CRK: variants seen among roughly 807,000 people sequenced by gnomAD.
CRK encodes CRK proto-oncogene, adaptor protein.
In CRK, 4 loss-of-function variants were observed where a neutral mutation model predicts 29.8. The observed-to-expected ratio is 0.13, with a 90% CI of 0.07 to 0.31. The LOEUF (loss-of-function observed/expected upper bound fraction) is 0.31. Among genes scored for constraint, CRK ranks in the 10% least tolerant of loss-of-function variants. The probability of loss-of-function intolerance (pLI) is 1.00; values close to 1 mark genes in which losing one functional copy is unlikely to be tolerated. For synonymous variants in CRK, 153 were observed against 164.9 expected (o/e 0.93, Z 0.55); for missense variants, 274 against 396.5 (o/e 0.69, Z 2.62).
At chr17:1,426,330 G>A (rs1237023805) in intron 2 of CRK, 1 of 152,464 alleles carries the variant, frequency 6.6e-6, no homozygotes, top group Non-Finnish European at 1.5e-5. Context: ...AGGGGAGGAA[G>A]GGATGATGGC....
intron 1 of CRK, among the ~76,000 whole-genome samples, chr17:1,447,061 T>C (rs192620938): frequency 1.3e-5 from 2 of 152,300 alleles, no homozygotes; most frequent in East Asian, 1.9e-4. Context: ...TCAAGCTTCA[T>C]TGATCCAAAC....
intron 2 of CRK, among the ~76,000 whole-genome samples, chr17:1,430,655 A>G (rs62089614): frequency 0.48 from 71,345 of 150,194 alleles, 17,267 homozygotes; most frequent in Admixed American, 0.59. Context: ...GTGAGCCACC[A>G]CACCCAGCCT....
At chr17:1,438,161 G>A (rs147448641) in intron 1 of CRK, among the ~76,000 whole-genome samples, 2 of 151,722 alleles carry the variant, frequency 1.3e-5, no homozygotes, top group South Asian at 2.1e-4. Flanking sequence ...ACAGAGTCTC[G>A]CTGTGTCGCT....
intron 1 of CRK, among the ~76,000 whole-genome samples, chr17:1,441,857 TTTTG>T (rs936302014): frequency 2.1e-5 from 3 of 141,978 alleles, no homozygotes; most frequent in Admixed American, 6.8e-5. Flanking sequence ...CAGGCTGCGG[TTTTG>T]TTTTTGTTTT....
chr17:1,442,754 G>A (rs899828626), intron 1 of CRK, among the ~76,000 whole-genome samples: 1 of 151,460 alleles, frequency 6.6e-6, no homozygotes, highest in African/African-American at 2.4e-5. Context: ...ATACAGGTGT[G>A]TGCCACCATG....
At chr17:1,446,683 C>T (rs2073977532) in intron 1 of CRK, among the ~76,000 whole-genome samples, 1 of 150,166 alleles carries the variant, frequency 6.7e-6, no homozygotes, top group East Asian at 1.9e-4. Context: ...GCTCCGCTTC[C>T]TGGGTTCACG....
intron 1 of CRK, among the ~76,000 whole-genome samples, chr17:1,444,021 G>C (rs1291308709): frequency 1.3e-5 from 2 of 151,612 alleles, no homozygotes; most frequent in African/African-American, 4.8e-5. Flanking sequence ...TTTAATAACG[G>C]GGTTTTGCCA....
chr17:1,423,460 G>GAAAAA lies in CRK; in HGVS notation c.*48_*52dup. ...AAGAAAATTGTATAGATGGCAGTTG[G>GAAAAA]AAAAAAAAAAAAAAGATTGTTCCCA... is the stretch of plus-strand genomic sequence containing the variant. On this transcript the variant is annotated 3_prime_UTR_variant, in exon 3 of 3. Transcript: ENST00000300574. 2 of 1,282,912 alleles carry GAAAAA rather than the reference G, an allele frequency of 1.6e-6. No individual in the cohort carries two copies. Among genetic ancestry groups the GAAAAA allele is most frequent in the South Asian group, 1.4e-5 (1 of 70,200 alleles). 79.5% of individuals were successfully genotyped at this position (1,282,912 alleles called of 1,614,324 possible).
intron 1 of CRK, among the ~76,000 whole-genome samples, chr17:1,445,895 G>C (rs1424743387): frequency 3.3e-5 from 5 of 152,200 alleles, no homozygotes; most frequent in Non-Finnish European, 7.3e-5. Flanking sequence ...TTTTGGGACA[G>C]TGGTTGGCAG....
chr17:1,453,568 T>C (rs2074034617), intron 1 of CRK, among the ~76,000 whole-genome samples: 1 of 152,164 alleles, frequency 6.6e-6, no homozygotes, highest in Admixed American at 6.6e-5. Context: ...GAGAAAGATC[T>C]AGGATAATTT....
intron 2 of CRK, among the ~76,000 whole-genome samples, chr17:1,427,610 C>A (rs1225636900): frequency 6.6e-6 from 1 of 151,274 alleles, no homozygotes; most frequent in Non-Finnish European, 1.5e-5. Flanking sequence ...TAAATAAATA[C>A]CTCAATGTTA....
intron 2 of CRK, among the ~76,000 whole-genome samples, chr17:1,430,816 C>T (rs2073836630): frequency 6.6e-6 from 1 of 151,666 alleles, no homozygotes; most frequent in Admixed American, 6.6e-5. Context: ...GCCTGTAATC[C>T]CAGCACTTTG....
At chr17:1,453,680 G>C (rs2074035530) in intron 1 of CRK, among the ~76,000 whole-genome samples, 1 of 152,144 alleles carries the variant, frequency 6.6e-6, no homozygotes, top group Non-Finnish European at 1.5e-5. Flanking sequence ...TCTGAGGTGG[G>C]CAGATCACCT....
chr17:1,447,771 C>T (rs1345105516), intron 1 of CRK, among the ~76,000 whole-genome samples: 2 of 151,926 alleles, frequency 1.3e-5, no homozygotes, highest in African/African-American at 2.4e-5. Context: ...CGCCCACCAC[C>T]ACACCTGGCT....
At chr17:1,453,220 A>G (rs2150915562) in intron 1 of CRK, among the ~76,000 whole-genome samples, 1 of 152,344 alleles carries the variant, frequency 6.6e-6, no homozygotes, top group South Asian at 2.1e-4. Flanking sequence ...GGCAATCTTC[A>G]CCGTCTTTCC....
At position 1,442,982 on chromosome 17, in the gene CRK, TTC is replaced by T. The variant is rs147235416; in HGVS notation, c.242-5829_242-5828del. Among the ~76,000 whole-genome samples the T allele has an allele frequency of 8.6e-3, 896 of 103,884 alleles. 10 individuals carry two copies. The highest frequency in any genetic ancestry group is 0.025 in the African/African-American group (830 of 32,872). The allele number at this position is 103,884 out of a possible 152,430, so 68.2% of individuals were successfully genotyped here. On this transcript the variant is annotated intron_variant, in intron 1 of 2. Coordinates refer to ENST00000300574, the MANE Select transcript of CRK (RefSeq NM_016823.4). ...TCAGCTCACAGCAACCTCCCTTTCT[TTC>T]TTTTTTTTTTTTGAGACGGACTCTT...
At chr17:1,424,608 T>C (rs1219511014) in intron 2 of CRK, 1 of 152,286 alleles carries the variant, frequency 6.6e-6, no homozygotes, top group East Asian at 1.9e-4. Flanking sequence ...CAGTAAGCTC[T>C]ACTTCACAAG....
chr17:1,426,725 T>TG (rs902275463), intron 2 of CRK, among the ~76,000 whole-genome samples: 6 of 151,848 alleles, frequency 4.0e-5, no homozygotes, highest in African/African-American at 1.5e-4. Flanking sequence ...TAGCCAGGTG[T>TG]GGTGGCAGGC....
At chr17:1,453,285 C>A (rs16946807) in intron 1 of CRK, among the ~76,000 whole-genome samples, 83,845 of 151,908 alleles carry the variant, frequency 0.55, 23,638 homozygotes, top group South Asian at 0.64. Flanking sequence ...TCGATTATCA[C>A]GGTAAGTGTT....
Sources: allele counts gnomAD v4.1 joint callset (sites outside exome capture counted in the v4.1 genomes callset), GRCh38; gene constraint gnomAD v4.1.1; transcripts MANE v1.5; gene names NCBI Gene and HGNC (gene_info 2026-07-23, HGNC 2026-07-21).